Variants in KATNA1 observed in about 807,000 individuals in gnomAD.
KATNA1 encodes the protein katanin p60 ATPase-containing subunit A1.
In KATNA1, 42 loss-of-function variants were observed where a neutral mutation model predicts 62.6. The ratio of observed to expected loss-of-function variants is 0.67; its 90% confidence interval spans 0.52 to 0.87. The LOEUF is 0.87. KATNA1 is among the 40% of genes least tolerant of loss of function. KATNA1 has a pLI of 0.00. For missense variants in KATNA1, 498 were observed against 612.5 expected (o/e 0.81, Z 1.97); for synonymous variants, 186 against 201.9 (o/e 0.92, Z 0.67).
Position 149,623,227 on chromosome 6 carries a change from T to C in KATNA1, c.377A>G (p.His126Arg). ...QSSQYSDPKS[H>R]GNRPSTTVRV... ...GACAGTTGTACTTGGACGATTACCA[T>C]GTGATTTAGGGTCACTGTACTGAGA... Residue 126 changes from histidine (H) to arginine (R), a missense_variant, in exon 4 of 11, where the codon CAT (histidine) becomes CGT (arginine). Coordinates refer to ENST00000367411, the MANE Select transcript of KATNA1 (RefSeq NM_007044.4). The C allele has an allele frequency of 6.2e-7, 1 of 1,613,860 alleles. No individual in the cohort carries two copies. The highest frequency in any genetic ancestry group is 8.5e-7 in the Non-Finnish European group (1 of 1,179,940).
intron 3 of KATNA1, chr6:149,631,683 TA>T (rs1309208347): frequency 1.3e-5 from 2 of 151,986 alleles, no homozygotes; most frequent in African/African-American, 4.8e-5. Context: ...TGGGAAGTCA[TA>T]AGTGTTCTTT....
intron 1 of KATNA1, among the ~76,000 whole-genome samples, chr6:149,646,885 A>G (rs1780505208): frequency 6.6e-6 from 1 of 152,222 alleles, no homozygotes; most frequent in African/African-American, 2.4e-5. Context: ...TTAAACAGTC[A>G]AGTGGCTAAA....
intron 3 of KATNA1, among the ~76,000 whole-genome samples, chr6:149,626,026 G>C (rs893359673): frequency 1.3e-5 from 2 of 152,122 alleles, no homozygotes; most frequent in Non-Finnish European, 2.9e-5. Context: ...GTGAAGCAAT[G>C]ATGGGGGTTC....
chr6:149,618,248 C>T lies in KATNA1; in HGVS notation c.501+4855G>A, dbSNP rs368128781. On this transcript the variant is annotated intron_variant, in intron 4 of 10. Transcript: ENST00000367411. ...ATCCCAGCACTTTGGGAGGTTGAGA[C>T]GGGCGGATCACCTGAGGTCAGGAGT... Among the ~76,000 whole-genome samples the T allele has an allele frequency of 4.4e-4, 67 of 151,202 alleles. 2 individuals are homozygous for T. The South Asian group carries it at 0.012, about 27-fold the overall frequency.
intron 4 of KATNA1, among the ~76,000 whole-genome samples, chr6:149,612,582 A>T (rs1377251971): frequency 1.3e-5 from 2 of 152,206 alleles, no homozygotes; most frequent in Non-Finnish European, 2.9e-5. Flanking sequence ...AAATTTCTCA[A>T]TTCATTTTAT....
intron 4 of KATNA1, among the ~76,000 whole-genome samples, chr6:149,617,216 G>A (rs1779199289): frequency 6.6e-6 from 1 of 152,250 alleles, no homozygotes; most frequent in East Asian, 1.9e-4. Context: ...AATAAATAAT[G>A]TTCTGTGGAT....
intron 1 of KATNA1, among the ~76,000 whole-genome samples, chr6:149,641,619 A>G (rs1467539590): frequency 1.3e-5 from 2 of 152,316 alleles, no homozygotes; most frequent in Admixed American, 6.5e-5. Context: ...CACAAGACCC[A>G]TTTCACTTAT....
At chr6:149,622,875 G>A (rs1779454070) in intron 4 of KATNA1, among the ~76,000 whole-genome samples, 3 of 152,000 alleles carry the variant, frequency 2.0e-5, no homozygotes, top group Non-Finnish European at 4.4e-5. Flanking sequence ...TCGATGTGGT[G>A]GCGCCCACTT....
intron 1 of KATNA1, among the ~76,000 whole-genome samples, chr6:149,645,999 G>C (rs1780474041): frequency 6.6e-6 from 1 of 151,574 alleles, no homozygotes; most frequent in South Asian, 2.1e-4. Context: ...ACAAATACAG[G>C]GCCCTGCCTA....
At chr6:149,598,472 C>T in intron 7 of KATNA1, 122 bp from the exon 8 acceptor site, 1 of 893,292 alleles carries the variant, frequency 1.1e-6, no homozygotes, top group Non-Finnish European at 1.7e-6. Flanking sequence ...CACCTGTAAT[C>T]CCAACACTGG....
At chr6:149,642,576 A>G (rs1008472649) in intron 1 of KATNA1, among the ~76,000 whole-genome samples, 11 of 152,326 alleles carry the variant, frequency 7.2e-5, no homozygotes, top group Admixed American at 2.6e-4. Context: ...TACAGACCAC[A>G]TGGTACCATG....
chr6:149,630,240 C>T (rs1230360643), intron 3 of KATNA1, among the ~76,000 whole-genome samples: 4 of 152,116 alleles, frequency 2.6e-5, no homozygotes, highest in Admixed American at 2.0e-4. Context: ...TGTGAAAGTG[C>T]GTATGAGGCA....
intron 7 of KATNA1, 117 bp downstream of exon 7, chr6:149,601,477 C>T (rs957810191): frequency 7.5e-6 from 6 of 801,958 alleles, no homozygotes; most frequent in Non-Finnish European, 9.6e-6. Flanking sequence ...GCATAGGACT[C>T]ATACTCTGGG....
intron 1 of KATNA1, among the ~76,000 whole-genome samples, chr6:149,641,334 G>C (rs886621259): frequency 6.6e-6 from 1 of 151,570 alleles, no homozygotes; most frequent in African/African-American, 2.4e-5. Context: ...CCACCACCAC[G>C]CTCGGCTAAT....
rs375119457 is a variant in KATNA1 at position 149,607,329 on chromosome 6, C to T, written c.502-2547G>A. Among the ~76,000 whole-genome samples the T allele has an allele frequency of 1.4e-4, 21 of 152,306 alleles. No homozygotes were observed. The East Asian group carries it at 2.3e-3, about 17-fold the overall frequency. ...AGATATACATCTATCTAATAATTTG[C>T]TCCTGGCCAGGTGCAGTGGCTCATG... On this transcript the variant is annotated intron_variant, in intron 4 of 10. Transcript: ENST00000367411.
intron 7 of KATNA1, 82 bp downstream of exon 7, chr6:149,601,512 T>G: frequency 5.6e-6 from 7 of 1,250,600 alleles, no homozygotes; most frequent in Non-Finnish European, 7.7e-6. Flanking sequence ...GCCTAACTAT[T>G]CCATATACTG....
At chr6:149,633,040 C>T in intron 2 of KATNA1, 124 bp from the exon 3 acceptor site, 1 of 585,100 alleles carries the variant, frequency 1.7e-6, no homozygotes. Context: ...CAGTAAACCA[C>T]ATCAAGATAT....
chr6:149,646,680 G>T (rs772025473), intron 1 of KATNA1, among the ~76,000 whole-genome samples: 1 of 151,872 alleles, frequency 6.6e-6, no homozygotes, highest in African/African-American at 2.4e-5. Flanking sequence ...AACCTGTTCA[G>T]AAAAAAAGTA....
chr6:149,619,885 T>C (rs192217529), intron 4 of KATNA1, among the ~76,000 whole-genome samples: 1 of 152,242 alleles, frequency 6.6e-6, no homozygotes, highest in East Asian at 1.9e-4. Context: ...ATAAACACTA[T>C]TCACAATAGC....
Sources: gnomAD v4.1 joint callset for allele counts (sites outside exome capture counted in the v4.1 genomes callset) on GRCh38, gnomAD v4.1.1 for gene constraint, MANE v1.5 for transcripts, NCBI Gene and HGNC (gene_info 2026-07-23, HGNC 2026-07-21) for gene names.